The following GLIS3 variants were observed in gnomAD, a reference collection of about 807,000 sequenced individuals.
GLIS3 encodes the protein zinc finger protein GLIS3.
A neutral mutation model predicts 78.6 loss-of-function variants in GLIS3; 53 were observed. That is an observed-to-expected ratio of 0.67 (90% CI 0.54 to 0.85). The LOEUF is 0.85. Ranked by LOEUF, GLIS3 falls within the 40% of genes least tolerant of loss-of-function variation. The probability of loss-of-function intolerance (pLI) is 0.00; values close to 1 mark genes in which losing one functional copy is unlikely to be tolerated. For missense variants in GLIS3, 1,703 were observed against 1,231.1 expected (o/e 1.38, Z -5.74); for synonymous variants, 684 against 509.9 (o/e 1.34, Z -4.60).
chr9:4,385,399 C>T, the GLIS3 span, among the ~76,000 whole-genome samples: 1 of 152,202 alleles, frequency 6.6e-6, no homozygotes, highest in South Asian at 2.1e-4. Context: ...CACAGTGGCT[C>T]ACGCCTATAA....
At chr9:4,158,305 T>C (rs925903664) in intron 2 of GLIS3, among the ~76,000 whole-genome samples, 1 of 152,182 alleles carries the variant, frequency 6.6e-6, no homozygotes, top group Non-Finnish European at 1.5e-5. Flanking sequence ...TAAACACATG[T>C]TTGCCATATC....
chr9:4,258,324 CAT>C (rs1554639433), intron 2 of GLIS3, among the ~76,000 whole-genome samples: 1 of 110,538 alleles, frequency 9.0e-6, no homozygotes, highest in Non-Finnish European at 2.1e-5. Context: ...TTTACAGTAA[CAT>C]ATATATACCA....
chr9:4,150,734 AT>A (rs1427051522), intron 2 of GLIS3, among the ~76,000 whole-genome samples: 2 of 152,190 alleles, frequency 1.3e-5, no homozygotes, highest in African/African-American at 4.8e-5. Context: ...AAGATTAGAA[AT>A]CATGTGTCCA....
At chr9:4,036,008 T>G (rs911019309) in intron 4 of GLIS3, 42 of 152,412 alleles carry the variant, frequency 2.8e-4, no homozygotes, top group African/African-American at 9.6e-4. Context: ...TGACTTGGCC[T>G]TGAGCCGCCT....
intron 4 of GLIS3, among the ~76,000 whole-genome samples, chr9:4,050,983 G>C (rs937076625): frequency 6.6e-6 from 1 of 152,024 alleles, no homozygotes; most frequent in African/African-American, 2.4e-5. Flanking sequence ...TCCTGTTGGA[G>C]AACAATAAAC....
intron 2 of GLIS3, among the ~76,000 whole-genome samples, chr9:4,169,177 T>C (rs1175506791): frequency 1.3e-5 from 2 of 152,202 alleles, no homozygotes; most frequent in Admixed American, 1.3e-4. Flanking sequence ...TCTGACTTTT[T>C]ATCTCATAAA....
chr9:3,967,697 C>G (rs1329288502), intron 4 of GLIS3, among the ~76,000 whole-genome samples: 1 of 152,050 alleles, frequency 6.6e-6, no homozygotes, highest in African/African-American at 2.4e-5. Context: ...ATGAAGTGAC[C>G]TGGAGAGATA....
chr9:4,099,764 A>G (rs1277255064), intron 4 of GLIS3, among the ~76,000 whole-genome samples: 5 of 152,186 alleles, frequency 3.3e-5, no homozygotes, highest in Non-Finnish European at 7.3e-5. Context: ...GTATGAAGAG[A>G]AATATCATAT....
chr9:4,179,251 T>G (rs911220824), intron 2 of GLIS3, among the ~76,000 whole-genome samples: 1 of 152,216 alleles, frequency 6.6e-6, no homozygotes, highest in African/African-American at 2.4e-5. Flanking sequence ...CTATTAATAA[T>G]GAACAAGCCA....
chr9:4,057,590 G>A (rs1832014911), intron 4 of GLIS3, among the ~76,000 whole-genome samples: 2 of 151,744 alleles, frequency 1.3e-5, no homozygotes, highest in African/African-American at 4.8e-5. Flanking sequence ...AAAGCACAAT[G>A]TAAAGTCACA....
chr9:4,325,240 G>C (rs774427498), intron 2 of GLIS3, among the ~76,000 whole-genome samples: 12 of 152,114 alleles, frequency 7.9e-5, no homozygotes, highest in South Asian at 4.1e-4. Context: ...TTTTACATTT[G>C]AGGCTAGCAC....
the GLIS3 span, among the ~76,000 whole-genome samples, chr9:4,471,155 A>C: frequency 1.3e-5 from 2 of 152,232 alleles, no homozygotes; most frequent in Non-Finnish European, 2.9e-5. Flanking sequence ...AGGAAGAATC[A>C]ATATTGTGAA....
chr9:3,912,756 T>C (rs933891219), intron 6 of GLIS3, among the ~76,000 whole-genome samples: 1 of 152,210 alleles, frequency 6.6e-6, no homozygotes, highest in Non-Finnish European at 1.5e-5. Flanking sequence ...AAGACTAAAC[T>C]GAAGAATGCA....
chr9:4,062,567 C>G (rs565295457), intron 4 of GLIS3, among the ~76,000 whole-genome samples: 3 of 152,168 alleles, frequency 2.0e-5, no homozygotes, highest in Non-Finnish European at 4.4e-5. Context: ...ATTTTCATAC[C>G]TATAAAATGG....
rs377574565 is a variant in GLIS3 at position 3,913,893 on chromosome 9, T to G, written c.1984-15058A>C. ...CACATGAAAGGTACTCTATAAATGT[T>G]TAGGGAATGTGTGAACAAGTAAATG... On this transcript the variant is annotated intron_variant, in intron 6 of 10. Transcript: ENST00000381971. Among the ~76,000 whole-genome samples the G allele has an allele frequency of 1.5e-4, 23 of 152,242 alleles. No individual in the cohort carries two copies. The East Asian group carries it at 3.9e-3, about 26-fold the overall frequency.
At chr9:4,416,347 G>C in the GLIS3 span, among the ~76,000 whole-genome samples, 7 of 118,814 alleles carry the variant, frequency 5.9e-5, no homozygotes, top group East Asian at 1.3e-3. Flanking sequence ...ACAATTTTTT[G>C]TCAAAATTTT....
At chr9:4,148,625 C>G (rs1834415977) in intron 2 of GLIS3, among the ~76,000 whole-genome samples, 1 of 152,058 alleles carries the variant, frequency 6.6e-6, no homozygotes, top group Non-Finnish European at 1.5e-5. Context: ...CCCTACCCAT[C>G]ACCCCAGAAT....
chr9:4,177,876 T>C (rs1816949140), intron 2 of GLIS3, among the ~76,000 whole-genome samples: 1 of 152,220 alleles, frequency 6.6e-6, no homozygotes, highest in African/African-American at 2.4e-5. Context: ...TTCCAGCAGA[T>C]GTATCAACCA....
chr9:4,202,368 G>C (rs113225753), intron 2 of GLIS3, among the ~76,000 whole-genome samples: 1 of 151,100 alleles, frequency 6.6e-6, no homozygotes. Flanking sequence ...CACCAGGATG[G>C]TCTGGAACTC....
Sources: allele counts gnomAD v4.1 joint callset (sites outside exome capture counted in the v4.1 genomes callset), GRCh38; gene constraint gnomAD v4.1.1; transcripts MANE v1.5; gene names NCBI Gene and HGNC (gene_info 2026-07-23, HGNC 2026-07-21).